The following SHISA6 variants were observed in gnomAD, a reference collection of about 807,000 sequenced individuals.
SHISA6 encodes shisa family member 6, also known as protein shisa-6.
Under a neutral mutation model 47.9 loss-of-function variants are expected in SHISA6, and 22 were observed. That is an observed-to-expected ratio of 0.46 (90% CI 0.33 to 0.66). The LOEUF is 0.66. Among genes scored for constraint, SHISA6 ranks in the 30% least tolerant of loss-of-function variants. The pLI, the probability that SHISA6 is intolerant of heterozygous loss-of-function variation, is 0.02. For synonymous variants in SHISA6, 388 were observed against 337.8 expected (o/e 1.15, Z -1.63); for missense variants, 680 against 764.6 (o/e 0.89, Z 1.30).
chr17:11,347,482 C>T (rs906890001), intron 2 of SHISA6, among the ~76,000 whole-genome samples: 1 of 152,142 alleles, frequency 6.6e-6, no homozygotes, highest in South Asian at 2.1e-4. Flanking sequence ...TAATATATAT[C>T]AGAACCTATA....
intron 2 of SHISA6, among the ~76,000 whole-genome samples, chr17:11,273,475 C>T (rs760573530): frequency 1.3e-5 from 2 of 152,236 alleles, no homozygotes; most frequent in African/African-American, 4.8e-5. Flanking sequence ...TGCCATGCAA[C>T]GAGCTGCTCA....
chr17:11,301,455 C>T (rs1308587831), intron 2 of SHISA6, among the ~76,000 whole-genome samples: 1 of 152,198 alleles, frequency 6.6e-6, no homozygotes, highest in South Asian at 2.1e-4. Flanking sequence ...CAAATGATTG[C>T]AGCACTTTGG....
chr17:11,263,059 G>C (rs959510510), intron 1 of SHISA6, among the ~76,000 whole-genome samples: 9 of 152,158 alleles, frequency 5.9e-5, no homozygotes, highest in African/African-American at 2.2e-4. Context: ...ATAGATACCT[G>C]CCTGGCATAG....
intron 2 of SHISA6, among the ~76,000 whole-genome samples, chr17:11,279,122 C>A (rs1490184382): frequency 6.6e-6 from 1 of 152,172 alleles, no homozygotes; most frequent in East Asian, 1.9e-4. Context: ...TACAAGCATG[C>A]TTCCTGCAAT....
At chr17:11,532,355 G>C (rs560505678) in intron 3 of SHISA6, among the ~76,000 whole-genome samples, 1 of 152,348 alleles carries the variant, frequency 6.6e-6, no homozygotes, top group Non-Finnish European at 1.5e-5. Flanking sequence ...GTATCAGAAA[G>C]AGCATGTGTG....
intron 2 of SHISA6, among the ~76,000 whole-genome samples, chr17:11,303,179 G>A (rs1909984852): frequency 6.6e-6 from 1 of 151,974 alleles, no homozygotes. Flanking sequence ...GTGTAGTTAT[G>A]TTTGAGTGTG....
At chr17:11,358,897 C>T (rs1274350364) in intron 2 of SHISA6, among the ~76,000 whole-genome samples, 3 of 151,934 alleles carry the variant, frequency 2.0e-5, no homozygotes, top group Non-Finnish European at 4.4e-5. Context: ...GAGCTCAAAG[C>T]AATCTGCCCA....
At chr17:11,521,507 G>C (rs2071628887) in intron 3 of SHISA6, among the ~76,000 whole-genome samples, 1 of 152,178 alleles carries the variant, frequency 6.6e-6, no homozygotes, top group Non-Finnish European at 1.5e-5. Context: ...ACTGAAGGCA[G>C]GCGCAGTGGT....
intron 3 of SHISA6, among the ~76,000 whole-genome samples, chr17:11,528,097 G>A (rs1313198123): frequency 6.6e-6 from 1 of 152,134 alleles, no homozygotes; most frequent in Non-Finnish European, 1.5e-5. Flanking sequence ...TTGGGGGGTT[G>A]GGGGTACTTT....
At chr17:11,260,749 G>A (rs1165696269) in intron 1 of SHISA6, among the ~76,000 whole-genome samples, 1 of 151,386 alleles carries the variant, frequency 6.6e-6, no homozygotes, top group Non-Finnish European at 1.5e-5. Context: ...CTCTCCTTCT[G>A]TCTCCTTGGC....
intron 3 of SHISA6, among the ~76,000 whole-genome samples, chr17:11,452,900 C>G (rs1464109505): frequency 6.6e-6 from 1 of 151,592 alleles, no homozygotes; most frequent in Non-Finnish European, 1.5e-5. Context: ...TCCTCCTCCT[C>G]TACTTTATCT....
intron 2 of SHISA6, among the ~76,000 whole-genome samples, chr17:11,336,982 G>A (rs575327615): frequency 1.1e-4 from 17 of 152,302 alleles, no homozygotes; most frequent in African/African-American, 4.1e-4. Flanking sequence ...GAGATGAGGA[G>A]AGTGCAAAGT....
intron 2 of SHISA6, among the ~76,000 whole-genome samples, chr17:11,285,067 A>G (rs1352745488): frequency 6.6e-6 from 1 of 152,226 alleles, no homozygotes; most frequent in Non-Finnish European, 1.5e-5. Context: ...AAATCATCAA[A>G]GGCAAAACCC....
At chr17:11,402,132 C>T (rs944281750) in intron 3 of SHISA6, among the ~76,000 whole-genome samples, 1 of 152,106 alleles carries the variant, frequency 6.6e-6, no homozygotes, top group African/African-American at 2.4e-5. Flanking sequence ...GAAGGGGCTT[C>T]CTTGTCCATT....
intron 4 of SHISA6, among the ~76,000 whole-genome samples, chr17:11,552,562 C>T (rs1173622273): frequency 1.3e-5 from 2 of 152,188 alleles, no homozygotes; most frequent in African/African-American, 2.4e-5. Context: ...CTTGATAGAA[C>T]ATAAGACAGC....
intron 2 of SHISA6, among the ~76,000 whole-genome samples, chr17:11,315,050 GT>G (rs1362368265): frequency 1.3e-5 from 2 of 152,288 alleles, no homozygotes; most frequent in Admixed American, 1.3e-4. Flanking sequence ...ATAGCTTAAT[GT>G]GGGGCAGATT....
At chr17:11,262,034 A>G (rs1308832753) in intron 1 of SHISA6, among the ~76,000 whole-genome samples, 1 of 152,146 alleles carries the variant, frequency 6.6e-6, no homozygotes, top group Non-Finnish European at 1.5e-5. Context: ...AAGGTATCTC[A>G]GTGTGATTTA....
At chr17:11,387,629 G>A (rs1474689608) in intron 3 of SHISA6, among the ~76,000 whole-genome samples, 1 of 152,216 alleles carries the variant, frequency 6.6e-6, no homozygotes, top group Admixed American at 6.5e-5. Context: ...ACAAGGGGAA[G>A]CAAGGATAAG....
chr17:11,487,367 G>T (rs1916378842), intron 3 of SHISA6, among the ~76,000 whole-genome samples: 1 of 152,190 alleles, frequency 6.6e-6, no homozygotes, highest in South Asian at 2.1e-4. Flanking sequence ...TATCTCAATT[G>T]TTATTTTTCA....
Sources: allele counts gnomAD v4.1 joint callset (sites outside exome capture counted in the v4.1 genomes callset), GRCh38; gene constraint gnomAD v4.1.1; transcripts MANE v1.5; gene names NCBI Gene and HGNC (gene_info 2026-07-23, HGNC 2026-07-21).